The following CPA6 variants were observed in gnomAD, a reference collection of about 807,000 sequenced individuals.
CPA6 encodes the protein carboxypeptidase B.
Under a neutral mutation model 63.3 loss-of-function variants are expected in CPA6, and 58 were observed. The ratio of observed to expected loss-of-function variants is 0.92; its 90% CI spans 0.74 to 1.14. CPA6 has a LOEUF of 1.14. CPA6 is among the 50% of genes most tolerant of loss of function. The probability of loss-of-function intolerance (pLI) is 0.00; values close to 1 mark genes in which losing one functional copy is unlikely to be tolerated. For missense variants in CPA6, 565 were observed against 526.6 expected, an observed-to-expected ratio of 1.07 and a Z score of -0.71; for synonymous variants, 185 against 179.0, an observed-to-expected ratio of 1.03 and a Z score of -0.27.
At chr8:67,593,441 G>C (rs1472953763) in intron 2 of CPA6, among the ~76,000 whole-genome samples, 2 of 152,166 alleles carry the variant, frequency 1.3e-5, no homozygotes, top group Non-Finnish European at 2.9e-5. Flanking sequence ...GGGTATCCTT[G>C]TTAACTTTCT....
chr8:67,465,621 G>T (rs149131513), intron 8 of CPA6, among the ~76,000 whole-genome samples: 10 of 152,162 alleles, frequency 6.6e-5, no homozygotes, highest in Middle Eastern at 3.4e-3. Context: ...TATGATGTTG[G>T]CCCTGGGTTT....
chr8:67,430,586 C>T (rs1810005564), intron 9 of CPA6, among the ~76,000 whole-genome samples: 2 of 152,166 alleles, frequency 1.3e-5, no homozygotes, highest in East Asian at 3.8e-4. Context: ...TTCTGCTTAA[C>T]ATTCAGGGAT....
At chr8:67,652,721 T>C (rs1815878076) in intron 1 of CPA6, among the ~76,000 whole-genome samples, 2 of 151,808 alleles carry the variant, frequency 1.3e-5, no homozygotes, top group Non-Finnish European at 2.9e-5. Context: ...TTTCTTTTCC[T>C]GTGCAGAAGC....
chr8:67,725,680 CT>C (rs1174177154), intron 1 of CPA6, among the ~76,000 whole-genome samples: 1 of 152,052 alleles, frequency 6.6e-6, no homozygotes, highest in Non-Finnish European at 1.5e-5. Flanking sequence ...GCCACTGTGC[CT>C]GGGTTTTATT....
intron 2 of CPA6, among the ~76,000 whole-genome samples, chr8:67,581,154 G>A (rs1179303090): frequency 6.6e-6 from 1 of 152,150 alleles, no homozygotes; most frequent in Non-Finnish European, 1.5e-5. Context: ...ATTAAGTAAT[G>A]TAAGATTTAC....
chr8:67,464,613 T>G (rs569327254), intron 8 of CPA6, among the ~76,000 whole-genome samples: 4 of 152,294 alleles, frequency 2.6e-5, no homozygotes, highest in African/African-American at 9.6e-5. Flanking sequence ...GAATGGTGTT[T>G]CCTAGGTTTT....
At chr8:67,553,689 C>G (rs1812999547) in intron 2 of CPA6, among the ~76,000 whole-genome samples, 1 of 152,162 alleles carries the variant, frequency 6.6e-6, no homozygotes, top group African/African-American at 2.4e-5. Flanking sequence ...TTAACTCAAG[C>G]ATTTCTCCAA....
intron 2 of CPA6, among the ~76,000 whole-genome samples, chr8:67,617,206 G>GT (rs1191038873): frequency 6.6e-6 from 1 of 151,972 alleles, no homozygotes; most frequent in East Asian, 1.9e-4. Flanking sequence ...ATGGTAGAGG[G>GT]TTTTTTCCTT....
At chr8:67,662,178 G>C (rs910898661) in intron 1 of CPA6, among the ~76,000 whole-genome samples, 6 of 152,164 alleles carry the variant, frequency 3.9e-5, no homozygotes, top group African/African-American at 1.4e-4. Context: ...GAGTTAGAGA[G>C]AGTAGCATGT....
rs2128979920 is a variant in CPA6, at chr8:67,587,522, T to G, written c.192+36654A>C. The stretch of plus-strand genomic sequence containing the variant: ...TAAGGTGGCCTTTTTTTTGGACGAT[T>G]GATGTGAGGGGGCCTTGAAATGTAC... On this transcript the variant is annotated intron_variant, in intron 2 of 10. Coordinates refer to ENST00000297770, the MANE Select transcript of CPA6 (RefSeq NM_020361.5). Among the ~76,000 whole-genome samples the G allele has an allele frequency of 2.0e-5, 3 of 151,812 alleles. No individual in the cohort carries two copies. The South Asian group carries it at 6.3e-4, about 32-fold the overall frequency.
At chr8:67,721,191 G>A (rs957164905) in intron 1 of CPA6, among the ~76,000 whole-genome samples, 4 of 152,200 alleles carry the variant, frequency 2.6e-5, no homozygotes, top group South Asian at 2.1e-4. Flanking sequence ...CTCTGGCTAC[G>A]CCCATTAGGT....
chr8:67,498,715 G>T (rs887641037), intron 6 of CPA6, among the ~76,000 whole-genome samples: 1 of 152,032 alleles, frequency 6.6e-6, no homozygotes, highest in East Asian at 1.9e-4. Flanking sequence ...AATATCATAT[G>T]ATATTGGTAA....
At chr8:67,712,808 GCT>G (rs1817289971) in intron 1 of CPA6, among the ~76,000 whole-genome samples, 2 of 151,732 alleles carry the variant, frequency 1.3e-5, no homozygotes, top group Non-Finnish European at 2.9e-5. Context: ...ATGCCATCCT[GCT>G]CTGTTGCACA....
intron 2 of CPA6, among the ~76,000 whole-genome samples, chr8:67,520,626 C>T (rs975045799): frequency 6.6e-5 from 10 of 152,146 alleles, no homozygotes; most frequent in African/African-American, 2.4e-4. Context: ...TATAATGTTT[C>T]ATCTACTTTA....
At chr8:67,472,829 T>C (rs1209414155) in intron 8 of CPA6, among the ~76,000 whole-genome samples, 2 of 152,218 alleles carry the variant, frequency 1.3e-5, no homozygotes, top group Non-Finnish European at 2.9e-5. Context: ...AAACTAGATA[T>C]TGTCCTTCAA....
intron 8 of CPA6, among the ~76,000 whole-genome samples, chr8:67,459,105 C>T (rs1247717058): frequency 1.3e-5 from 2 of 152,192 alleles, no homozygotes; most frequent in Admixed American, 6.5e-5. Flanking sequence ...TGGATGTTTA[C>T]AACAGCTTTC....
chr8:67,495,172 TCCTGCCAATG>T (rs1811684126), intron 6 of CPA6, among the ~76,000 whole-genome samples: 1 of 152,160 alleles, frequency 6.6e-6, no homozygotes, highest in Non-Finnish European at 1.5e-5. Flanking sequence ...AGACTAATGG[TCCTGCCAATG>T]CTTCAAATGA....
intron 6 of CPA6, among the ~76,000 whole-genome samples, chr8:67,493,697 G>A (rs1352221080): frequency 6.6e-6 from 1 of 152,176 alleles, no homozygotes; most frequent in Non-Finnish European, 1.5e-5. Flanking sequence ...GGGCCTGGAA[G>A]GGTGAGGTTT....
rs572322936 is a variant in CPA6, at chr8:67,637,031, T to C, written c.117-12780A>G. 5.0e-4 allele frequency among the ~76,000 whole-genome samples: 76 copies of C among 151,848 alleles called. 2 individuals are homozygous for C. Among genetic ancestry groups the C allele is most frequent in the African/African-American group, 1.8e-3 (74 of 41,106 alleles). On this transcript the variant is annotated intron_variant, in intron 1 of 10. Coordinates refer to ENST00000297770, the MANE Select transcript of CPA6 (RefSeq NM_020361.5). ...GTGCTTGGAACATGAAGAATCTCCCTGTGGCAGTTTGCTTAGGACATGAAG... is the reference window on the plus strand; with the variant it reads ...GTGCTTGGAACATGAAGAATCTCCCCGTGGCAGTTTGCTTAGGACATGAAG...
Sources: allele counts gnomAD v4.1 joint callset (sites outside exome capture counted in the v4.1 genomes callset), GRCh38; gene constraint gnomAD v4.1.1; transcripts MANE v1.5; gene names NCBI Gene and HGNC (gene_info 2026-07-23, HGNC 2026-07-21).